HAO1: variants seen among roughly 807,000 people sequenced by gnomAD.
The protein encoded by HAO1 is hydroxyacid oxidase 1, also known as 2-Hydroxyacid oxidase 1.
In HAO1, 34 loss-of-function variants were observed where a neutral mutation model predicts 39.7. That is an observed-to-expected ratio of 0.86 (90% CI 0.65 to 1.14). The LOEUF (loss-of-function observed/expected upper bound fraction) is 1.14. Ranked by LOEUF, HAO1 falls within the 50% of genes most tolerant of loss-of-function variation. The probability of loss-of-function intolerance (pLI) is 0.00; values close to 1 mark genes in which losing one functional copy is unlikely to be tolerated. For synonymous variants in HAO1, 172 were observed against 173.2 expected (o/e 0.99, Z 0.05); for missense variants, 479 against 464.5 (o/e 1.03, Z -0.29).
chr20:7,904,930 T>C (rs761480090), intron 4 of HAO1, among the ~76,000 whole-genome samples: 13 of 152,200 alleles, frequency 8.5e-5, no homozygotes, highest in Non-Finnish European at 1.6e-4. Context: ...AGTGAAACCA[T>C]TATTTAAAGG....
chr20:7,926,125 C>T (rs999366135), intron 2 of HAO1, among the ~76,000 whole-genome samples: 1 of 152,018 alleles, frequency 6.6e-6, no homozygotes, highest in African/African-American at 2.4e-5. Context: ...GTTAGAAAAG[C>T]AAGTCTAAAA....
chr20:7,889,783 G>T (rs1156905187), intron 5 of HAO1, among the ~76,000 whole-genome samples: 2 of 152,080 alleles, frequency 1.3e-5, no homozygotes, highest in Non-Finnish European at 2.9e-5. Flanking sequence ...AATTCATATT[G>T]TTGTCCACTT....
Position 7,885,692 on chromosome 20 carries a change from C to T in HAO1, c.972+14G>A, listed in dbSNP as rs777091566. On this transcript the variant is annotated intron_variant, in intron 6 of 7. Coordinates refer to ENST00000378789, the MANE Select transcript of HAO1 (RefSeq NM_017545.3). ...AGTTGTCTATTTTATATATTCATTTCTTTGTCCAGTTACCTGGAAAGCTAA... is the reference window on the plus strand; with the variant it reads ...AGTTGTCTATTTTATATATTCATTTTTTTGTCCAGTTACCTGGAAAGCTAA... 1.2e-5 allele frequency: 19 copies of T among 1,605,714 alleles called. No homozygotes were observed. The highest frequency in any genetic ancestry group is 1.6e-5 in the Non-Finnish European group (19 of 1,173,774).
intron 5 of HAO1, among the ~76,000 whole-genome samples, chr20:7,891,817 T>C (rs1260370329): frequency 6.6e-6 from 1 of 152,210 alleles, no homozygotes; most frequent in Admixed American, 6.5e-5. Flanking sequence ...TAGTTAGATT[T>C]GATTTCAGTA....
In HAO1 at chr20:7,911,003, T is replaced by C. The variant is rs2050276948; in HGVS notation, c.545+3161A>G. 2.0e-5 allele frequency among the ~76,000 whole-genome samples: 3 copies of C among 152,192 alleles called. No individual in the cohort carries two copies. In the South Asian group the frequency reaches 6.2e-4, roughly 32 times the overall value. ...TCAAGACTCAATGGAAGTGAGGCTA[T>C]TAGTCATGCGTTGATTCTGCGAATG... On this transcript the variant is annotated intron_variant, in intron 3 of 7. Coordinates refer to ENST00000378789, the MANE Select transcript of HAO1 (RefSeq NM_017545.3).
chr20:7,927,425 C>T lies in HAO1; in HGVS notation c.289+7059G>A, dbSNP rs145183879. Among the ~76,000 whole-genome samples the T allele has an allele frequency of 4.6e-5, 7 of 152,050 alleles. No individual in the cohort carries two copies. The East Asian group carries it at 1.4e-3, about 29-fold the overall frequency. On this transcript the variant is annotated intron_variant, in intron 2 of 7. Coordinates refer to ENST00000378789, the MANE Select transcript of HAO1 (RefSeq NM_017545.3). ...TCTGCTAGAGTTTCAAACGGATGTG[C>T]CATTATAAGTAGAGGCACTTATAAA...
chr20:7,913,087 T>C (rs1032431949), intron 3 of HAO1, among the ~76,000 whole-genome samples: 5 of 152,178 alleles, frequency 3.3e-5, no homozygotes, highest in Non-Finnish European at 5.9e-5. Flanking sequence ...TTTTTTAATA[T>C]TTTAGAAGAG....
intron 4 of HAO1, among the ~76,000 whole-genome samples, chr20:7,905,533 A>G (rs1235070499): frequency 6.6e-6 from 1 of 152,198 alleles, no homozygotes; most frequent in African/African-American, 2.4e-5. Context: ...AAACACATTT[A>G]CACTCCAAAA....
intron 3 of HAO1, among the ~76,000 whole-genome samples, chr20:7,910,076 G>A (rs920032287): frequency 1.3e-5 from 2 of 152,112 alleles, no homozygotes; most frequent in Non-Finnish European, 2.9e-5. Context: ...ATATTTTATC[G>A]ATTGAGTCAA....
chr20:7,937,876 C>T (rs2050420624), intron 1 of HAO1, among the ~76,000 whole-genome samples: 1 of 152,014 alleles, frequency 6.6e-6, no homozygotes, highest in Non-Finnish European at 1.5e-5. Flanking sequence ...TTTTTTTCTA[C>T]TGCCACAGTA....
chr20:7,938,582 C>G (rs2050424602), intron 1 of HAO1, among the ~76,000 whole-genome samples: 2 of 152,158 alleles, frequency 1.3e-5, no homozygotes, highest in Admixed American at 1.3e-4. Flanking sequence ...GTCACCAAGC[C>G]TTCTATGTCT....
chr20:7,902,065 G>A (rs151319575), intron 4 of HAO1, among the ~76,000 whole-genome samples: 23 of 152,290 alleles, frequency 1.5e-4, no homozygotes, highest in Non-Finnish European at 2.6e-4. Flanking sequence ...CAAAGAAAGT[G>A]GTTTCTTGGG....
intron 2 of HAO1, among the ~76,000 whole-genome samples, chr20:7,921,785 C>A (rs148782049): frequency 1.3e-5 from 2 of 152,188 alleles, no homozygotes; most frequent in East Asian, 3.9e-4. Context: ...TAAAAAATAA[C>A]AAAATAATGT....
chr20:7,910,758 A>T (rs889609427), intron 3 of HAO1, among the ~76,000 whole-genome samples: 1 of 152,112 alleles, frequency 6.6e-6, no homozygotes, highest in African/African-American at 2.4e-5. Flanking sequence ...GGTTCCCGGG[A>T]TTCACTCATG....
chr20:7,906,573 CAAAT>C (rs2050249287), intron 3 of HAO1, among the ~76,000 whole-genome samples: 1 of 151,636 alleles, frequency 6.6e-6, no homozygotes, highest in African/African-American at 2.4e-5. Context: ...TTTACACAAA[CAAAT>C]CTGTTTCAAG....
At chr20:7,884,626 T>G (rs1473286740) in intron 7 of HAO1, among the ~76,000 whole-genome samples, 1 of 152,150 alleles carries the variant, frequency 6.6e-6, no homozygotes, top group African/African-American at 2.4e-5. Flanking sequence ...GGCTGAAACA[T>G]ATCTCACATA....
intron 2 of HAO1, among the ~76,000 whole-genome samples, chr20:7,920,096 C>T (rs2050324014): frequency 6.6e-6 from 1 of 152,014 alleles, no homozygotes; most frequent in South Asian, 2.1e-4. Context: ...AACTGTAATC[C>T]CCATGTGTTG....
intron 6 of HAO1, 30 bp from the exon 7 acceptor site, chr20:7,885,620 C>A (rs1568507728): frequency 6.4e-7 from 1 of 1,556,896 alleles, no homozygotes; most frequent in Non-Finnish European, 8.9e-7. Flanking sequence ...CAGAGTGATT[C>A]AGAACTAAAT....
rs559256448 is a variant in HAO1 at position 7,885,293 on chromosome 20, T to C, written c.1042+228A>G. On this transcript the variant is annotated intron_variant, in intron 7 of 7. Coordinates refer to ENST00000378789, the MANE Select transcript of HAO1 (RefSeq NM_017545.3). ...TGATGTTACAACCACCTCCAAGTAC[T>C]CGTACTCACCAAAATATTCCTAATA... Among the ~76,000 whole-genome samples the C allele has an allele frequency of 1.7e-3, 261 of 152,246 alleles. 1 individual carries two copies. The highest frequency in any genetic ancestry group is 3.2e-3 in the Non-Finnish European group (220 of 68,014).
Sources: gnomAD v4.1 joint callset for allele counts (sites outside exome capture counted in the v4.1 genomes callset) on GRCh38, gnomAD v4.1.1 for gene constraint, MANE v1.5 for transcripts, NCBI Gene and HGNC (gene_info 2026-07-23, HGNC 2026-07-21) for gene names.